LITAF: variants seen among roughly 807,000 people sequenced by gnomAD.
The protein encoded by LITAF is lipopolysaccharide-induced tumor necrosis factor-alpha factor.
A neutral mutation model predicts 14.5 loss-of-function variants in LITAF; 9 were observed. The ratio of observed to expected loss-of-function variants is 0.62; its 90% CI spans 0.37 to 1.08. The LOEUF is 1.08. LITAF is among the 50% of genes least tolerant of loss of function. LITAF has a pLI of 0.01. For missense variants in LITAF, 206 were observed against 213.4 expected, an observed-to-expected ratio of 0.97 and a Z score of 0.22; for synonymous variants, 98 against 88.2, an observed-to-expected ratio of 1.11 and a Z score of -0.62.
At chr16:11,562,204 A>G (rs979055858) in intron 1 of LITAF, among the ~76,000 whole-genome samples, 2 of 150,710 alleles carry the variant, frequency 1.3e-5, no homozygotes, top group African/African-American at 4.9e-5. Flanking sequence ...TACAGGCATG[A>G]GCCACCGTGC....
At chr16:11,608,615 G>A (rs1046404553) in intron 3 of LITAF, among the ~76,000 whole-genome samples, 6 of 152,242 alleles carry the variant, frequency 3.9e-5, no homozygotes, top group Admixed American at 6.5e-5. Flanking sequence ...GATACGGGCT[G>A]CATCGTGGAT....
intron 3 of LITAF, among the ~76,000 whole-genome samples, chr16:11,627,374 T>A (rs569727673): frequency 6.6e-6 from 1 of 151,734 alleles, no homozygotes; most frequent in Non-Finnish European, 1.5e-5. Context: ...AGGCTTGGAG[T>A]TGGAGACAGA....
At chr16:11,560,059 G>T (rs1282177573) in intron 1 of LITAF, among the ~76,000 whole-genome samples, 1 of 152,158 alleles carries the variant, frequency 6.6e-6, no homozygotes, top group African/African-American at 2.4e-5. Flanking sequence ...TACTTTGGGA[G>T]GCCAAGGCAG....
At chr16:11,636,905 T>G (rs1261512680), upstream of LITAF, among the ~76,000 whole-genome samples, 3 of 151,968 alleles carry the variant, frequency 2.0e-5, no homozygotes, top group Non-Finnish European at 4.4e-5. Flanking sequence ...AGTCTAGCTT[T>G]GTTGCCCAGA....
chr16:11,637,938 CTATATATCTATATATATCTATA>C (rs1567270851), upstream of LITAF, among the ~76,000 whole-genome samples: 603 of 74,746 alleles, frequency 8.1e-3, 167 homozygotes, highest in African/African-American at 0.047. Context: ...ATATCTATAT[CTATATATCTATATATATCTATA>C]TATATCTATA....
chr16:11,582,837 T>C (rs965874287), intron 1 of LITAF, among the ~76,000 whole-genome samples: 1 of 152,236 alleles, frequency 6.6e-6, no homozygotes, highest in African/African-American at 2.4e-5. Flanking sequence ...TTTCAGGAAC[T>C]ATCCAAATTG....
At chr16:11,550,957 C>A (rs1424428278) in intron 3 of LITAF, among the ~76,000 whole-genome samples, 1 of 152,168 alleles carries the variant, frequency 6.6e-6, no homozygotes, top group Admixed American at 6.5e-5. Context: ...GTTTTGCCAA[C>A]CCCCGTCTTA....
At chr16:11,589,894 G>A (rs2064837633), upstream of LITAF, among the ~76,000 whole-genome samples, 1 of 151,002 alleles carries the variant, frequency 6.6e-6, no homozygotes, top group South Asian at 2.1e-4. Context: ...AAAGTGCTGG[G>A]ATTACAGGTG....
rs779520574 is a variant in LITAF at position 11,553,778 on chromosome 16, G to A, written c.221-89C>T. On this transcript the variant is annotated intron_variant, in intron 2 of 3. Transcript: ENST00000622633. This position sits in a 1 kb window ranked among gnomAD's most constrained non-coding sequence, Gnocchi z 7.7. Reference sequence around the variant, plus strand: ...AGGACAAAGAGAGGAACGCAGGGATGCCAGCAAATATTATATTTGTACATT... The same window carrying A: ...AGGACAAAGAGAGGAACGCAGGGATACCAGCAAATATTATATTTGTACATT... 5 of 1,409,260 alleles carry A rather than the reference G, an allele frequency of 3.5e-6. No individual in the cohort carries two copies. Among genetic ancestry groups the A allele is most frequent in the East Asian group, 2.3e-5 (1 of 43,382 alleles). The allele number at this position is 1,409,260 out of a possible 1,614,324, so 87.3% of individuals were successfully genotyped here. A position where few individuals can be genotyped will look rare whatever the true frequency, so the allele number is the denominator to read the frequency against.
intron 3 of LITAF, among the ~76,000 whole-genome samples, chr16:11,614,957 G>A (rs554169220): frequency 1.1e-4 from 17 of 152,322 alleles, no homozygotes; most frequent in Non-Finnish European, 1.9e-4. Context: ...AGGACCCTGT[G>A]GCCCGCTGTC....
chr16:11,636,148 C>T (rs1189261169), intron 1 of LITAF: 1 of 152,212 alleles, frequency 6.6e-6, no homozygotes, highest in Non-Finnish European at 1.5e-5. Flanking sequence ...TGCAATTCTC[C>T]AGCCTCCTCG....
intron 1 of LITAF, among the ~76,000 whole-genome samples, chr16:11,557,171 C>A (rs1240517096): frequency 6.6e-6 from 1 of 151,818 alleles, no homozygotes; most frequent in African/African-American, 2.4e-5. Context: ...AAACCAACCA[C>A]AAATTATCAC....
At chr16:11,607,017 C>A (rs2064958498) in intron 3 of LITAF, among the ~76,000 whole-genome samples, 1 of 152,168 alleles carries the variant, frequency 6.6e-6, no homozygotes, top group Admixed American at 6.5e-5. Context: ...AAACTGAGTT[C>A]AGAGAGCTTT....
chr16:11,626,706 A>G (rs1005885006), intron 3 of LITAF, among the ~76,000 whole-genome samples: 2 of 151,776 alleles, frequency 1.3e-5, no homozygotes, highest in Non-Finnish European at 2.9e-5. Flanking sequence ...TCCCACCCTC[A>G]GGTGATCCGC....
chr16:11,550,869 C>T (rs995502774), intron 3 of LITAF, among the ~76,000 whole-genome samples: 15 of 152,312 alleles, frequency 9.8e-5, no homozygotes, highest in African/African-American at 3.4e-4. Context: ...AATGAGAAGA[C>T]AGCCACAGAG....
chr16:11,600,922 C>G (rs962746841), upstream of LITAF, among the ~76,000 whole-genome samples: 1 of 152,136 alleles, frequency 6.6e-6, no homozygotes, highest in Admixed American at 6.6e-5. The surrounding 1 kb of genome is among the most constrained non-coding windows in gnomAD (Gnocchi z 4.1). Flanking sequence ...AACATGGATA[C>G]AAGCTATAAT....
intron 2 of LITAF, among the ~76,000 whole-genome samples, chr16:11,555,772 A>G (rs1470246553): frequency 6.6e-6 from 1 of 152,224 alleles, no homozygotes; most frequent in Non-Finnish European, 1.5e-5. Context: ...GAACACAACA[A>G]TAAGAGTTCA....
At chr16:11,587,208 C>T (rs1195688020), upstream of LITAF, 1 of 367,522 alleles carries the variant, frequency 2.7e-6, no homozygotes, top group Non-Finnish European at 5.4e-6. Flanking sequence ...CTGCCCCTGC[C>T]TCTCGGTGCC....
chr16:11,603,019 T>G (rs2064936855), upstream of LITAF, among the ~76,000 whole-genome samples: 1 of 151,788 alleles, frequency 6.6e-6, no homozygotes, highest in Non-Finnish European at 1.5e-5. Context: ...GAGGCTGAGG[T>G]GAGAGGGTCC....
Sources: gnomAD v4.1 joint callset for allele counts (sites outside exome capture counted in the v4.1 genomes callset) on GRCh38, gnomAD v4.1.1 for gene constraint, Gnocchi (gnomAD v3.1) non-coding constraint, MANE v1.5 for transcripts, NCBI Gene and HGNC (gene_info 2026-07-23, HGNC 2026-07-21) for gene names.